The following RALGAPA1 variants were observed in gnomAD, a reference collection of about 807,000 sequenced individuals.
RALGAPA1 encodes the protein ral GTPase-activating protein subunit alpha-1.
RALGAPA1 carries 52 observed loss-of-function variants against 269.6 expected under a neutral mutation model. The observed-to-expected ratio is 0.19, with a 90% CI of 0.15 to 0.24. RALGAPA1 has a LOEUF of 0.24. Among genes scored for constraint, RALGAPA1 ranks in the 10% least tolerant of loss-of-function variants. The pLI, the probability that RALGAPA1 is intolerant of heterozygous loss-of-function variation, is 1.00. For synonymous variants in RALGAPA1, 817 were observed against 1,008.3 expected (o/e 0.81, Z 3.60); for missense variants, 1,917 against 3,013.9 (o/e 0.64, Z 8.52).
intron 37 of RALGAPA1, 80 bp downstream of exon 37, chr14:35,595,554 C>A (rs892242274): frequency 1.6e-6 from 2 of 1,274,106 alleles, no homozygotes; most frequent in African/African-American, 1.5e-5. Context: ...TTGATCAATT[C>A]GATTTCTTAC....
chr14:35,692,195 G>C (rs2066536785), intron 17 of RALGAPA1, among the ~76,000 whole-genome samples: 1 of 151,990 alleles, frequency 6.6e-6, no homozygotes, highest in African/African-American at 2.4e-5. Context: ...AGACTGTATA[G>C]CTGTTCTATA....
chr14:35,581,119 A>AT (rs751469531), intron 37 of RALGAPA1, among the ~76,000 whole-genome samples: 1 of 152,144 alleles, frequency 6.6e-6, no homozygotes, highest in Non-Finnish European at 1.5e-5. Context: ...ACAGAAAGTG[A>AT]TTTTTTATCA....
At chr14:35,803,572 G>GA (rs929291415) in intron 1 of RALGAPA1, among the ~76,000 whole-genome samples, 39 of 148,054 alleles carry the variant, frequency 2.6e-4, no homozygotes, top group African/African-American at 8.2e-4. Flanking sequence ...AAAGACTGGG[G>GA]AAAAAAAAAT....
chr14:35,575,699 A>C (rs558570815), intron 37 of RALGAPA1, among the ~76,000 whole-genome samples: 1 of 152,150 alleles, frequency 6.6e-6, no homozygotes, highest in Admixed American at 6.5e-5. Context: ...GGTTCAAGCG[A>C]TTATCTTGCC....
At chr14:35,638,921 G>T (rs1338467473) in intron 31 of RALGAPA1, among the ~76,000 whole-genome samples, 1 of 151,474 alleles carries the variant, frequency 6.6e-6, no homozygotes, top group Non-Finnish European at 1.5e-5. Context: ...GCAAGACTCT[G>T]TCTCAAAAAG....
At chr14:35,687,312 T>C (rs2066029058) in intron 18 of RALGAPA1, among the ~76,000 whole-genome samples, 1 of 152,184 alleles carries the variant, frequency 6.6e-6, no homozygotes, top group African/African-American at 2.4e-5. Context: ...AACTAACTTA[T>C]AGAAAATAAT....
At chr14:35,573,090 T>G (rs572486824) in intron 37 of RALGAPA1, among the ~76,000 whole-genome samples, 32 of 152,324 alleles carry the variant, frequency 2.1e-4, no homozygotes, top group African/African-American at 6.0e-4. Context: ...AGAAAGTTGA[T>G]TATGTTTCGT....
rs563278636 is a variant in RALGAPA1 at position 35,676,900 on chromosome 14, C to A, written c.4624+1050G>T. On this transcript the variant is annotated intron_variant, in intron 22 of 41. Transcript: ENST00000680220. ...TCATTTTACTAGCCTTGAAACACTT[C>A]TATAACTGAAGTTTTTTTCCAAATG... is the stretch of plus-strand genomic sequence containing the variant. The A allele has an allele frequency of 5.9e-5, 9 of 152,252 alleles. No homozygotes were observed. In the South Asian group the frequency reaches 1.7e-3, roughly 28 times the overall value. 9.4% of individuals were successfully genotyped at this position (152,252 alleles called of 1,614,324 possible). A position where few individuals can be genotyped will look rare whatever the true frequency, so the allele number is the denominator to read the frequency against.
intron 35 of RALGAPA1, among the ~76,000 whole-genome samples, chr14:35,617,504 G>A (rs2060325975): frequency 2.0e-5 from 3 of 152,010 alleles, no homozygotes. Context: ...TGTAATCCCA[G>A]CTACTCAGGA....
intron 33 of RALGAPA1, among the ~76,000 whole-genome samples, chr14:35,629,234 T>C (rs2061173483): frequency 1.3e-5 from 2 of 151,584 alleles, no homozygotes; most frequent in Admixed American, 6.6e-5. Context: ...AGGAGGAGAG[T>C]TGTTTTTGGT....
intron 37 of RALGAPA1, among the ~76,000 whole-genome samples, chr14:35,592,434 G>A (rs545688766): frequency 3.2e-4 from 48 of 152,236 alleles, no homozygotes; most frequent in African/African-American, 1.1e-3. Context: ...AACATTCAAA[G>A]AATTATTACC....
At chr14:35,738,357 T>C (rs1220406780) in intron 12 of RALGAPA1, among the ~76,000 whole-genome samples, 156 bp downstream of exon 12, 1 of 151,956 alleles carries the variant, frequency 6.6e-6, no homozygotes, top group African/African-American at 2.4e-5. Flanking sequence ...TATTAATATA[T>C]ATATTAAGTG....
intron 36 of RALGAPA1, among the ~76,000 whole-genome samples, chr14:35,596,607 T>C (rs1020852754): frequency 1.1e-4 from 16 of 152,160 alleles, no homozygotes; most frequent in Non-Finnish European, 1.6e-4. Flanking sequence ...AATATCAGTG[T>C]CAGTTACTAA....
intron 16 of RALGAPA1, among the ~76,000 whole-genome samples, chr14:35,707,968 C>G (rs1250882005): frequency 6.6e-6 from 1 of 152,108 alleles, no homozygotes; most frequent in Non-Finnish European, 1.5e-5. Flanking sequence ...TACACATCTA[C>G]AGTGAACTCA....
intron 1 of RALGAPA1, among the ~76,000 whole-genome samples, chr14:35,778,855 C>G (rs1184531067): frequency 6.6e-6 from 1 of 152,130 alleles, no homozygotes; most frequent in African/African-American, 2.4e-5. Context: ...CTAAACAATG[C>G]ACACTATTCT....
chr14:35,784,819 C>T (rs12587024), intron 1 of RALGAPA1, among the ~76,000 whole-genome samples: 3,338 of 152,226 alleles, frequency 0.022, 125 homozygotes, highest in South Asian at 0.14. Context: ...TACTAGTATA[C>T]CATTATTACA....
chr14:35,801,192 A>G (rs780236173), intron 1 of RALGAPA1, among the ~76,000 whole-genome samples: 2 of 151,912 alleles, frequency 1.3e-5, no homozygotes, highest in Non-Finnish European at 2.9e-5. Flanking sequence ...ATTATCAGAC[A>G]AGAAACGAGA....
chr14:35,671,125 A>T (rs1357483925), intron 26 of RALGAPA1, among the ~76,000 whole-genome samples: 1 of 152,166 alleles, frequency 6.6e-6, no homozygotes, highest in African/African-American at 2.4e-5. Flanking sequence ...CTCTTGCTAT[A>T]GCCCATTGCT....
intron 16 of RALGAPA1, among the ~76,000 whole-genome samples, chr14:35,718,582 G>A (rs1035620551): frequency 1.3e-5 from 2 of 152,080 alleles, no homozygotes; most frequent in East Asian, 1.9e-4. Context: ...TTGGGAGGCC[G>A]AGGTGGGCGG....
Sources: gnomAD v4.1 joint callset for allele counts (sites outside exome capture counted in the v4.1 genomes callset) on GRCh38, gnomAD v4.1.1 for gene constraint, MANE v1.5 for transcripts, NCBI Gene and HGNC (gene_info 2026-07-23, HGNC 2026-07-21) for gene names.